KCND2: variants seen among roughly 807,000 people sequenced by gnomAD.
The protein encoded by KCND2 is A-type voltage-gated potassium channel KCND2.
KCND2 carries 16 observed loss-of-function variants against 54.4 expected under a neutral mutation model. The observed-to-expected ratio is 0.29, with a 90% CI of 0.20 to 0.45. The LOEUF (loss-of-function observed/expected upper bound fraction) is 0.45, where lower values mean the gene tolerates loss of function less well. KCND2 is among the 20% of genes least tolerant of loss of function. The pLI is 1.00. For synonymous variants in KCND2, 317 were observed against 310.7 expected, an observed-to-expected ratio of 1.02 and a Z score of -0.21; for missense variants, 486 against 824.2, an observed-to-expected ratio of 0.59 and a Z score of 5.02.
intron 1 of KCND2, among the ~76,000 whole-genome samples, chr7:120,301,164 T>C (rs1479055296): frequency 6.6e-6 from 1 of 152,174 alleles, no homozygotes; most frequent in Non-Finnish European, 1.5e-5. Context: ...GGCCAAATGT[T>C]GTTTTAAATG....
intron 1 of KCND2, among the ~76,000 whole-genome samples, chr7:120,414,654 G>A (rs1168270777): frequency 6.6e-6 from 1 of 152,116 alleles, no homozygotes; most frequent in Non-Finnish European, 1.5e-5. Flanking sequence ...TAGCATTTTA[G>A]TTTGTAGCAC....
At chr7:120,384,362 C>T (rs901023404) in intron 1 of KCND2, among the ~76,000 whole-genome samples, 4 of 151,934 alleles carry the variant, frequency 2.6e-5, no homozygotes, top group African/African-American at 7.2e-5. Flanking sequence ...AAACAGGAAG[C>T]AAAAGACTGT....
chr7:120,742,649 C>T (rs777358750), intron 4 of KCND2, 47 bp downstream of exon 4: 9 of 1,435,034 alleles, frequency 6.3e-6, no homozygotes, highest in Admixed American at 1.7e-5. Context: ...GACAGTAATT[C>T]CATTTGCTTT....
At chr7:120,641,702 C>T (rs1432439058) in intron 1 of KCND2, among the ~76,000 whole-genome samples, 1 of 150,844 alleles carries the variant, frequency 6.6e-6, no homozygotes, top group Non-Finnish European at 1.5e-5. Context: ...CTTTAAAACA[C>T]TGGATATTCC....
At chr7:120,488,020 A>AAAAAC (rs1221417461) in intron 1 of KCND2, among the ~76,000 whole-genome samples, 1 of 151,966 alleles carries the variant, frequency 6.6e-6, no homozygotes, top group African/African-American at 2.4e-5. Flanking sequence ...ATCTATACAA[A>AAAAAC]AAAACAAAAC....
At chr7:120,288,309 G>A (rs933471235) in intron 1 of KCND2, among the ~76,000 whole-genome samples, 2 of 152,068 alleles carry the variant, frequency 1.3e-5, no homozygotes, top group Non-Finnish European at 2.9e-5. Context: ...TAGTCTTTGG[G>A]TATGTTTTTT....
intron 1 of KCND2, among the ~76,000 whole-genome samples, chr7:120,483,687 G>A (rs1802638740): frequency 6.6e-6 from 1 of 152,140 alleles, no homozygotes; most frequent in South Asian, 2.1e-4. Context: ...AGAAGAAAAT[G>A]TTTTGGAGAT....
At chr7:120,405,420 A>T (rs1801336670) in intron 1 of KCND2, among the ~76,000 whole-genome samples, 1 of 152,160 alleles carries the variant, frequency 6.6e-6, no homozygotes, top group African/African-American at 2.4e-5. Flanking sequence ...GTGGGGATTG[A>T]TACTGATACA....
chr7:120,339,187 G>A (rs143622441), intron 1 of KCND2, among the ~76,000 whole-genome samples: 6 of 151,712 alleles, frequency 4.0e-5, no homozygotes, highest in East Asian at 3.9e-4. Flanking sequence ...CACAGCGCCC[G>A]GCCCCTTGCT....
At chr7:120,542,142 C>T (rs1041099987) in intron 1 of KCND2, among the ~76,000 whole-genome samples, 1 of 152,028 alleles carries the variant, frequency 6.6e-6, no homozygotes, top group Non-Finnish European at 1.5e-5. Context: ...CTTTGTCCTC[C>T]AGTTTAAAGG....
At chr7:120,361,525 AG>A (rs1274475302) in intron 1 of KCND2, among the ~76,000 whole-genome samples, 1 of 152,032 alleles carries the variant, frequency 6.6e-6, no homozygotes, top group Non-Finnish European at 1.5e-5. Context: ...AATTTGTAAA[AG>A]CCATTTATTT....
intron 1 of KCND2, among the ~76,000 whole-genome samples, chr7:120,362,190 A>G (rs975338078): frequency 1.3e-5 from 2 of 152,150 alleles, no homozygotes; most frequent in African/African-American, 4.8e-5. Flanking sequence ...ATGTTTTTCT[A>G]AATTTTTATT....
intron 1 of KCND2, among the ~76,000 whole-genome samples, chr7:120,395,771 G>C (rs1801146100): frequency 6.6e-6 from 1 of 152,036 alleles, no homozygotes; most frequent in African/African-American, 2.4e-5. Context: ...CTGTCATGAG[G>C]CTGGTGGGAG....
intron 1 of KCND2, among the ~76,000 whole-genome samples, chr7:120,421,204 A>C (rs1312248303): frequency 1.3e-5 from 2 of 152,184 alleles, no homozygotes; most frequent in African/African-American, 4.8e-5. Context: ...ATGCTCAACT[A>C]TCAATAACAG....
At position 120,275,110 on chromosome 7, in the gene KCND2, A is replaced by G. The variant is rs773470603; in HGVS notation, c.478A>G (p.Ser160Gly). 1.2e-6 allele frequency: 2 copies of G among 1,613,558 alleles called. No homozygotes were observed. The highest frequency in any genetic ancestry group is 1.7e-6 in the Non-Finnish European group (2 of 1,179,772). ...CGCGGATACCGACACCGCTGGGGAG[A>G]GCGCCTTGCCCACCATGACTGCAAG... Reference protein sequence around the residue: ...DDADTDTAGESALPTMTARQR... With the variant: ...DDADTDTAGEGALPTMTARQR... Residue 160 changes from serine (S) to glycine (G), a missense_variant, in exon 1 of 6, where the codon AGC becomes GGC. Physicochemically the swap from Ser to Gly is moderately conservative, Grantham distance 56. Around this residue, in one of 7 missense-constraint regions of KCND2, gnomAD observed 231 missense variants for 386.0 expected, o/e 0.60. Transcript: ENST00000331113.
chr7:120,508,563 A>G (rs1748090588), intron 1 of KCND2, among the ~76,000 whole-genome samples: 1 of 152,008 alleles, frequency 6.6e-6, no homozygotes, highest in Admixed American at 6.6e-5. Context: ...ATATTAAATC[A>G]TATCTTCCAA....
At chr7:120,684,454 T>A (rs1315128572) in intron 1 of KCND2, among the ~76,000 whole-genome samples, 1 of 152,206 alleles carries the variant, frequency 6.6e-6, no homozygotes, top group Non-Finnish European at 1.5e-5. Context: ...TATTTTTCAA[T>A]GTATTTCCAC....
At chr7:120,441,811 G>T (rs896202362) in intron 1 of KCND2, among the ~76,000 whole-genome samples, 1 of 152,018 alleles carries the variant, frequency 6.6e-6, no homozygotes, top group Non-Finnish European at 1.5e-5. Flanking sequence ...AAAATTTATG[G>T]TTATGCCACA....
chr7:120,350,882 T>A (rs913740890), intron 1 of KCND2, among the ~76,000 whole-genome samples: 2 of 152,258 alleles, frequency 1.3e-5, no homozygotes, highest in East Asian at 3.9e-4. Flanking sequence ...TATTTAAACA[T>A]GAAATTACTT....
Sources: allele counts gnomAD v4.1 joint callset (sites outside exome capture counted in the v4.1 genomes callset), GRCh38; gene constraint gnomAD v4.1.1; regional missense constraint gnomAD v4.1.1; transcripts MANE v1.5; gene names NCBI Gene and HGNC (gene_info 2026-07-23, HGNC 2026-07-21).